CC2D2B: variants seen among roughly 807,000 people sequenced by gnomAD.
The protein encoded by CC2D2B is coiled-coil and C2 domain containing 2B.
In CC2D2B, 128 loss-of-function variants were observed where a neutral mutation model predicts 161.2. The ratio of observed to expected loss-of-function variants is 0.79; its 90% CI spans 0.69 to 0.92. The LOEUF (loss-of-function observed/expected upper bound fraction) is 0.92. Ranked by LOEUF, CC2D2B falls within the 40% of genes least tolerant of loss-of-function variation. The probability of loss-of-function intolerance (pLI) is 0.00; values close to 1 mark genes in which losing one functional copy is unlikely to be tolerated. For missense variants in CC2D2B, 1,173 were observed against 1,375.1 expected (o/e 0.85, Z 2.32); for synonymous variants, 391 against 449.8 (o/e 0.87, Z 1.65).
intron 6 of CC2D2B, among the ~76,000 whole-genome samples, chr10:95,928,471 C>T (rs376314642): frequency 3.9e-5 from 6 of 152,200 alleles, no homozygotes; most frequent in South Asian, 2.1e-4. Context: ...AGGTTTGTTA[C>T]ATAGGTATAC....
At chr10:95,912,498 C>G (rs1360825821) in intron 2 of CC2D2B, among the ~76,000 whole-genome samples, 1 of 152,010 alleles carries the variant, frequency 6.6e-6, no homozygotes, top group Non-Finnish European at 1.5e-5. Flanking sequence ...ATGTACCCAA[C>G]ATTTAGGATA....
chr10:95,925,496 A>G (rs1030227382), intron 5 of CC2D2B, among the ~76,000 whole-genome samples: 1 of 152,260 alleles, frequency 6.6e-6, no homozygotes, highest in Non-Finnish European at 1.5e-5. Context: ...ATTTTAATCC[A>G]ACTTACAGAT....
chr10:96,007,243 G>A (rs182813797), intron 25 of CC2D2B, among the ~76,000 whole-genome samples: 25 of 152,120 alleles, frequency 1.6e-4, no homozygotes, highest in Non-Finnish European at 2.9e-4. Flanking sequence ...TGTTCTCATC[G>A]TTTAGCTCCC....
intron 15 of CC2D2B, among the ~76,000 whole-genome samples, chr10:95,971,813 C>CTGAGA (rs2077146169): frequency 6.6e-6 from 1 of 152,116 alleles, no homozygotes; most frequent in Non-Finnish European, 1.5e-5. Flanking sequence ...ATATGTACCT[C>CTGAGA]ATATATTTAT....
chr10:95,971,999 G>T, intron 15 of CC2D2B, 67 bp from the exon 16 acceptor site: 1 of 761,318 alleles, frequency 1.3e-6, no homozygotes, highest in Non-Finnish European at 1.8e-6. Context: ...GTTGTTAAGG[G>T]TGCTTATTTT....
chr10:95,954,900 T>G (rs1391755558), intron 10 of CC2D2B, among the ~76,000 whole-genome samples: 2 of 152,166 alleles, frequency 1.3e-5, no homozygotes, highest in Non-Finnish European at 2.9e-5. Context: ...TGGATGTTAC[T>G]CTGTTTTATA....
chr10:95,966,469 A>G (rs1442322790), intron 14 of CC2D2B, among the ~76,000 whole-genome samples, 167 bp downstream of exon 14: 1 of 152,152 alleles, frequency 6.6e-6, no homozygotes, highest in Non-Finnish European at 1.5e-5. Flanking sequence ...AGAGTTCCAT[A>G]TTATCCTCAT....
intron 10 of CC2D2B, among the ~76,000 whole-genome samples, chr10:95,953,948 C>G (rs2076490416): frequency 6.6e-6 from 1 of 152,168 alleles, no homozygotes; most frequent in Non-Finnish European, 1.5e-5. Flanking sequence ...CCTGATATTT[C>G]ATTGACTAGA....
chr10:95,933,091 T>C (rs545469090), intron 6 of CC2D2B, among the ~76,000 whole-genome samples: 5 of 152,216 alleles, frequency 3.3e-5, no homozygotes, highest in African/African-American at 9.6e-5. Flanking sequence ...TTTCATTCTT[T>C]TTTCTCTAAT....
rs561440504 is a variant in CC2D2B at position 95,917,570 on chromosome 10, T to C, written c.37-4446T>C. Among the ~76,000 whole-genome samples the C allele has an allele frequency of 5.9e-5, 9 of 152,324 alleles. No individual in the cohort carries two copies. The East Asian group carries it at 1.7e-3, about 29-fold the overall frequency. On this transcript the variant is annotated intron_variant, in intron 2 of 34. Transcript: ENST00000646931. ...TTTTTGTGTATCTGTGGTAGGTTTT[T>C]TGTTTGATGTTACAATGAGGCCTAC...
chr10:96,019,311 G>A lies in CC2D2B; in HGVS notation c.3739G>A (p.Val1247Ile), dbSNP rs1467950181. 3.1e-6 allele frequency: 5 copies of A among 1,610,978 alleles called. No homozygotes were observed. Among genetic ancestry groups the A allele is most frequent in the Non-Finnish European group, 4.2e-6 (5 of 1,179,210 alleles). Residue 1247 changes from valine (V) to isoleucine (I), a missense_variant, in exon 31 of 35, where the codon GTA (valine) becomes ATA (isoleucine). Physicochemically the swap from Val to Ile is conservative, Grantham distance 29 (BLOSUM62 3). Coordinates refer to ENST00000646931, the MANE Select transcript of CC2D2B (RefSeq NM_001349008.3). ...TGACCCGTTTTGTCCCTTAAAAAGT[G>A]TAGATTGTTTGTTTGATGATAGAAA... The part of the protein sequence containing the change: ...QFDPFCPLKS[V>I]DCLFDDRNVW...
At chr10:95,942,611 T>A (rs889433481) in intron 9 of CC2D2B, among the ~76,000 whole-genome samples, 1 of 152,146 alleles carries the variant, frequency 6.6e-6, no homozygotes, top group Non-Finnish European at 1.5e-5. Context: ...GCTTAATTTC[T>A]AAATTTTAAA....
At chr10:95,950,775 T>G (rs2076372795) in intron 10 of CC2D2B, among the ~76,000 whole-genome samples, 1 of 152,318 alleles carries the variant, frequency 6.6e-6, no homozygotes, top group Non-Finnish European at 1.5e-5. Context: ...CATGAACTAA[T>G]TATGAACCTT....
intron 6 of CC2D2B, among the ~76,000 whole-genome samples, chr10:95,930,731 G>A (rs2098548517): frequency 6.6e-6 from 1 of 152,216 alleles, no homozygotes; most frequent in Non-Finnish European, 1.5e-5. Context: ...TTCCCAGGAT[G>A]AAGCCCACTG....
At chr10:96,001,043 C>A (rs1273048038) in intron 24 of CC2D2B, among the ~76,000 whole-genome samples, 1 of 152,034 alleles carries the variant, frequency 6.6e-6, no homozygotes, top group Non-Finnish European at 1.5e-5. Context: ...GAAATATACA[C>A]CTATGTTCCT....
At chr10:95,931,637 T>G (rs1240962136) in intron 6 of CC2D2B, among the ~76,000 whole-genome samples, 2 of 152,186 alleles carry the variant, frequency 1.3e-5, no homozygotes, top group Non-Finnish European at 2.9e-5. Context: ...ATTTTGATAC[T>G]TACCCAGTAG....
chr10:95,910,184 G>A (rs977044348), intron 1 of CC2D2B, among the ~76,000 whole-genome samples: 1 of 152,156 alleles, frequency 6.6e-6, no homozygotes, highest in Non-Finnish European at 1.5e-5. Context: ...ACAAAAACTT[G>A]TGTGGCATTC....
chr10:95,934,453 A>T (rs1273132291), intron 6 of CC2D2B, among the ~76,000 whole-genome samples: 5 of 151,650 alleles, frequency 3.3e-5, no homozygotes, highest in African/African-American at 1.2e-4. Context: ...AAAAAAACAA[A>T]CAAACAAACA....
chr10:95,964,830 G>A (rs1590636044), intron 12 of CC2D2B, among the ~76,000 whole-genome samples: 2 of 152,108 alleles, frequency 1.3e-5, no homozygotes, highest in Non-Finnish European at 2.9e-5. Flanking sequence ...CCCATTCAAA[G>A]TCTCCAGTTC....
Sources: gnomAD v4.1 joint callset for allele counts (sites outside exome capture counted in the v4.1 genomes callset) on GRCh38, gnomAD v4.1.1 for gene constraint, MANE v1.5 for transcripts, NCBI Gene and HGNC (gene_info 2026-07-23, HGNC 2026-07-21) for gene names.